The following ACMSD variants were observed in gnomAD, a reference collection of about 807,000 sequenced individuals.
ACMSD encodes the protein aminocarboxymuconate semialdehyde decarboxylase, also known as 2-amino-3-carboxymuconate-6-semialdehyde decarboxylase.
Under a neutral mutation model 45.9 loss-of-function variants are expected in ACMSD, and 37 were observed. The observed-to-expected ratio is 0.81, with a 90% CI of 0.62 to 1.06. The LOEUF (loss-of-function observed/expected upper bound fraction) is 1.06. Among genes scored for constraint, ACMSD ranks in the 50% least tolerant of loss-of-function variants. ACMSD has a pLI of 0.00. For synonymous variants in ACMSD, 138 were observed against 148.8 expected (o/e 0.93, Z 0.53); for missense variants, 434 against 420.9 (o/e 1.03, Z -0.27).
chr2:134,898,973 G>A (rs1690343612), intron 9 of ACMSD, among the ~76,000 whole-genome samples: 1 of 151,954 alleles, frequency 6.6e-6, no homozygotes, highest in Non-Finnish European at 1.5e-5. Context: ...ACCAAGATGA[G>A]TTTAAAATGA....
At chr2:134,885,342 T>TAC (rs1491578643) in intron 8 of ACMSD, among the ~76,000 whole-genome samples, 1 of 105,098 alleles carries the variant, frequency 9.5e-6, no homozygotes, top group Non-Finnish European at 1.7e-5. Context: ...AATATATATT[T>TAC]ATATATAATA....
intron 2 of ACMSD, among the ~76,000 whole-genome samples, chr2:134,846,044 G>A (rs1687039718): frequency 6.6e-6 from 1 of 152,154 alleles, no homozygotes; most frequent in African/African-American, 2.4e-5. Flanking sequence ...GGTGCTAAGG[G>A]GCAGAGATTT....
intron 2 of ACMSD, among the ~76,000 whole-genome samples, chr2:134,847,393 GATACAGAT>G (rs780509607): frequency 6.3e-4 from 78 of 123,484 alleles, no homozygotes; most frequent in South Asian, 3.9e-3. Context: ...GTTTTTTGGG[GATACAGAT>G]AGATAGATAG....
intron 3 of ACMSD, 67 bp downstream of exon 3, chr2:134,859,424 T>G (rs1330557539): frequency 1.3e-6 from 2 of 1,487,448 alleles, no homozygotes; most frequent in Non-Finnish European, 1.9e-6. Flanking sequence ...TAAAGTTTGC[T>G]GACAACTTTA....
At chr2:134,872,725 CA>C in intron 8 of ACMSD, 84 bp downstream of exon 8, 3 of 1,480,104 alleles carry the variant, frequency 2.0e-6, no homozygotes, top group Non-Finnish European at 2.8e-6. Flanking sequence ...GGCCTCTCTC[CA>C]AAAAAGGGAT....
At chr2:134,855,925 C>A (rs891310800) in intron 2 of ACMSD, among the ~76,000 whole-genome samples, 2 of 152,288 alleles carry the variant, frequency 1.3e-5, no homozygotes, top group Admixed American at 6.5e-5. Context: ...CTCCACCAAG[C>A]AGAGCTCAAA....
chr2:134,868,997 T>C (rs1688280219), intron 6 of ACMSD: 1 of 152,168 alleles, frequency 6.6e-6, no homozygotes, highest in Non-Finnish European at 1.5e-5. Context: ...TCCAGATTTC[T>C]CCAAAGGCCT....
chr2:134,859,004 A>G (rs971753453), intron 2 of ACMSD, among the ~76,000 whole-genome samples: 1 of 148,996 alleles, frequency 6.7e-6, no homozygotes, highest in Non-Finnish European at 1.5e-5. Flanking sequence ...CAGGCAGCCC[A>G]GAGAAACATA....
chr2:134,868,464 T>G (rs1280920058), intron 6 of ACMSD, among the ~76,000 whole-genome samples: 1 of 150,132 alleles, frequency 6.7e-6, no homozygotes, highest in East Asian at 1.9e-4. Flanking sequence ...TTTTTTTTTT[T>G]TTTTTTGAGA....
At chr2:134,859,160 T>G (rs1003711521) in intron 2 of ACMSD, 101 bp from the exon 3 acceptor site, 1 of 959,124 alleles carries the variant, frequency 1.0e-6, no homozygotes, top group Non-Finnish European at 1.6e-6. Flanking sequence ...AGTAAAAATC[T>G]TTTCAAATAT....
intron 2 of ACMSD, among the ~76,000 whole-genome samples, chr2:134,845,509 GTCTCTCTCTCTCTCTCTCTC>G (rs59782657): frequency 6.4e-5 from 6 of 94,398 alleles, no homozygotes; most frequent in East Asian, 3.0e-4. Context: ...ACATTAAAAG[GTCTCTCTCTCTCTCTCTCTC>G]TCTCTCTCTC....
At chr2:134,877,241 T>G (rs1007360425) in intron 8 of ACMSD, among the ~76,000 whole-genome samples, 1 of 152,180 alleles carries the variant, frequency 6.6e-6, no homozygotes, top group African/African-American at 2.4e-5. Flanking sequence ...CCATTATAAT[T>G]TTATGGGACC....
intron 9 of ACMSD, among the ~76,000 whole-genome samples, 158 bp from the exon 10 acceptor site, chr2:134,901,640 A>G (rs1488288597): frequency 2.6e-5 from 4 of 152,196 alleles, no homozygotes; most frequent in African/African-American, 4.8e-5. Context: ...GGGGCAAAAC[A>G]TAGGTCAAGA....
At chr2:134,873,862 T>C (rs1688594011) in intron 8 of ACMSD, among the ~76,000 whole-genome samples, 1 of 152,094 alleles carries the variant, frequency 6.6e-6, no homozygotes, top group Non-Finnish European at 1.5e-5. Flanking sequence ...GGGCAGAAAC[T>C]GAAAGAGACT....
chr2:134,886,252 T>TA (rs1559065965), intron 8 of ACMSD, among the ~76,000 whole-genome samples: 2,170 of 121,812 alleles, frequency 0.018, 59 homozygotes, highest in African/African-American at 0.069. Flanking sequence ...TATTATTTTT[T>TA]TTTTTTTTTT....
At chr2:134,864,708 T>A (rs1349149793) in intron 5 of ACMSD, among the ~76,000 whole-genome samples, 1 of 152,194 alleles carries the variant, frequency 6.6e-6, no homozygotes, top group African/African-American at 2.4e-5. Context: ...TTGATGAAAC[T>A]AGGTGGTGGG....
rs763439363 is a variant in ACMSD at position 134,901,795 on chromosome 2, C to G, written c.949-3C>G. 6 of 1,592,938 alleles carry G rather than the reference C, an allele frequency of 3.8e-6. No homozygotes were observed. The South Asian group carries it at 6.8e-5, about 18-fold the overall frequency. On this transcript the variant is annotated splice_polypyrimidine_tract_variant and splice_region_variant and intron_variant, in intron 9 of 9. Coordinates refer to ENST00000356140, the MANE Select transcript of ACMSD (RefSeq NM_138326.3). ...GCTTTAAAATATTTTCTTTTCTTTTCAGAATAAACTCAAAGCCGGCAATGC... is the reference window on the plus strand; with the variant it reads ...GCTTTAAAATATTTTCTTTTCTTTTGAGAATAAACTCAAAGCCGGCAATGC...
rs1396743762 is a variant in ACMSD at position 134,863,521 on chromosome 2, G to A, written c.376G>A (p.Val126Ile). The change falls in exon 5 of 10, where the codon GTC becomes ATC. Residue 126 changes from valine to isoleucine, a missense_variant. By Grantham distance (29) the Val-to-Ile change is conservative (BLOSUM62 3). Transcript: ENST00000356140. ...GCCCATGCAGGCCCCTGAGCTGGCG[G>A]TCAAGGAGATGGAGCGCTGTGTGAA... ...TLPMQAPELA[V>I]KEMERCVKEL... The A allele has an allele frequency of 6.2e-7, 1 of 1,614,122 alleles. No individual in the cohort carries two copies. Among genetic ancestry groups the A allele is most frequent in the Non-Finnish European group, 8.5e-7 (1 of 1,180,052 alleles).
chr2:134,897,100 G>A (rs1393120929), intron 8 of ACMSD, among the ~76,000 whole-genome samples: 1 of 151,692 alleles, frequency 6.6e-6, no homozygotes, highest in Non-Finnish European at 1.5e-5. Flanking sequence ...AAAACCCATT[G>A]AATTATACAC....
Sources: allele counts gnomAD v4.1 joint callset (sites outside exome capture counted in the v4.1 genomes callset), GRCh38; gene constraint gnomAD v4.1.1; transcripts MANE v1.5; gene names NCBI Gene and HGNC (gene_info 2026-07-23, HGNC 2026-07-21).